CTIF: variants seen among roughly 807,000 people sequenced by gnomAD.
CTIF encodes cap binding complex dependent translation initiation factor.
CTIF carries 21 observed loss-of-function variants against 66.0 expected under a neutral mutation model. The ratio of observed to expected loss-of-function variants is 0.32; its 90% CI spans 0.23 to 0.46. The LOEUF (loss-of-function observed/expected upper bound fraction) is 0.46, where lower values mean the gene tolerates loss of function less well. Ranked by LOEUF, CTIF falls within the 20% of genes least tolerant of loss-of-function variation. CTIF has a pLI of 1.00. For missense variants in CTIF, 739 were observed against 812.7 expected (o/e 0.91, Z 1.10); for synonymous variants, 345 against 326.4 (o/e 1.06, Z -0.62).
chr18:48,704,940 G>T (rs2092132805), intron 6 of CTIF, among the ~76,000 whole-genome samples: 1 of 152,246 alleles, frequency 6.6e-6, no homozygotes, highest in African/African-American at 2.4e-5. Context: ...TCGGCCCCAT[G>T]TGAGGACTGG....
intron 9 of CTIF, among the ~76,000 whole-genome samples, chr18:48,791,887 C>T (rs1174411348): frequency 2.0e-4 from 30 of 152,154 alleles, no homozygotes; most frequent in Non-Finnish European, 1.5e-4. Context: ...TGGGTCTGTT[C>T]CTGTCTCTCT....
At position 48,740,761 on chromosome 18, in the gene CTIF, C is replaced by T. The variant is rs1168931036; in HGVS notation, c.585-17158C>T. On this transcript the variant is annotated intron_variant, in intron 7 of 11. Transcript: ENST00000256413. Reference sequence around the variant, plus strand: ...GCTCTGGCTTTGGAAGGAGTGGACTCCAGCTCCTGGGACCTCTGCCTACCC... The same window carrying T: ...GCTCTGGCTTTGGAAGGAGTGGACTTCAGCTCCTGGGACCTCTGCCTACCC... 2.6e-5 allele frequency among the ~76,000 whole-genome samples: 4 copies of T among 152,190 alleles called. No individual in the cohort carries two copies. The South Asian group carries it at 6.2e-4, about 24-fold the overall frequency.
At chr18:48,857,234 C>CT (rs1256338192) in intron 10 of CTIF, among the ~76,000 whole-genome samples, 2 of 152,248 alleles carry the variant, frequency 1.3e-5, no homozygotes, top group African/African-American at 4.8e-5. Context: ...TCCCTGAGGA[C>CT]TTCTGCTGAC....
chr18:48,735,884 T>G (rs562521739), intron 7 of CTIF, among the ~76,000 whole-genome samples: 1 of 152,066 alleles, frequency 6.6e-6, no homozygotes, highest in African/African-American at 2.4e-5. Flanking sequence ...ACTCCGTAAA[T>G]GTTTGTGGAT....
chr18:48,575,391 C>T lies in CTIF; in HGVS notation c.-29+36079C>T, dbSNP rs544907823. Among the ~76,000 whole-genome samples, 7 of 152,310 alleles carry T rather than the reference C, an allele frequency of 4.6e-5. No individual in the cohort carries two copies. The East Asian group carries it at 1.3e-3, about 29-fold the overall frequency. ...CCGTGCCTTTTTCCCACAAAGCTGG[C>T]CAGTGACAGAGACTCTTGGCAAAAT... On this transcript the variant is annotated intron_variant, in intron 1 of 11. Transcript: ENST00000256413.
chr18:48,797,191 G>A (rs953623560), intron 9 of CTIF, among the ~76,000 whole-genome samples: 2 of 152,064 alleles, frequency 1.3e-5, no homozygotes, highest in Non-Finnish European at 1.5e-5. Context: ...TCATAAAAGG[G>A]CAACTTTCTG....
chr18:48,788,956 G>A (rs1198212450), intron 9 of CTIF, among the ~76,000 whole-genome samples: 2 of 152,132 alleles, frequency 1.3e-5, no homozygotes, highest in African/African-American at 2.4e-5. Flanking sequence ...CCATCCAATA[G>A]CACACCTCTT....
At chr18:48,714,529 C>T (rs1269900917) in intron 7 of CTIF, among the ~76,000 whole-genome samples, 2 of 152,196 alleles carry the variant, frequency 1.3e-5, no homozygotes, top group Middle Eastern at 3.4e-3. Flanking sequence ...GCAGCATGAG[C>T]GTGCTGCTGA....
chr18:48,563,797 G>A (rs2089217232), intron 1 of CTIF, among the ~76,000 whole-genome samples: 1 of 152,180 alleles, frequency 6.6e-6, no homozygotes, highest in African/African-American at 2.4e-5. Flanking sequence ...TGCTGTCTCT[G>A]TTTTCTCCTT....
At chr18:48,814,593 A>G (rs1382527143) in intron 9 of CTIF, among the ~76,000 whole-genome samples, 1 of 152,210 alleles carries the variant, frequency 6.6e-6, no homozygotes, top group South Asian at 2.1e-4. Context: ...TCACATAAGA[A>G]TATTGTGGGA....
At chr18:48,620,479 G>A (rs1045382847) in intron 2 of CTIF, among the ~76,000 whole-genome samples, 1 of 152,218 alleles carries the variant, frequency 6.6e-6, no homozygotes, top group African/African-American at 2.4e-5. Context: ...TTGTTCAAGA[G>A]CTGCTTCCAG....
At chr18:48,717,430 T>TA (rs2092292720) in intron 7 of CTIF, among the ~76,000 whole-genome samples, 1 of 150,334 alleles carries the variant, frequency 6.7e-6, no homozygotes, top group African/African-American at 2.4e-5. Flanking sequence ...AATAAATAAA[T>TA]AAATAAATAA....
At chr18:48,556,117 G>A (rs2089014877) in intron 1 of CTIF, among the ~76,000 whole-genome samples, 1 of 152,182 alleles carries the variant, frequency 6.6e-6, no homozygotes, top group Non-Finnish European at 1.5e-5. Flanking sequence ...GGTCTTGTCT[G>A]TCCTGAGCTG....
intron 9 of CTIF, among the ~76,000 whole-genome samples, chr18:48,779,975 G>A (rs1200380576): frequency 2.0e-5 from 3 of 152,204 alleles, no homozygotes; most frequent in Non-Finnish European, 4.4e-5. Context: ...TGCAGCCCCG[G>A]AGGTCAGGTG....
chr18:48,819,018 G>A (rs2068427719), intron 10 of CTIF, among the ~76,000 whole-genome samples: 1 of 152,184 alleles, frequency 6.6e-6, no homozygotes, highest in Non-Finnish European at 1.5e-5. Context: ...GTGTATTTAT[G>A]AGTGTTTTTG....
intron 9 of CTIF, among the ~76,000 whole-genome samples, chr18:48,814,999 G>A (rs191700429): frequency 2.0e-5 from 3 of 152,334 alleles, no homozygotes; most frequent in Admixed American, 6.5e-5. Flanking sequence ...AAGGGACCGT[G>A]TGGACAAATG....
intron 1 of CTIF, among the ~76,000 whole-genome samples, chr18:48,582,408 A>G (rs2089678804): frequency 6.6e-6 from 1 of 152,110 alleles, no homozygotes; most frequent in Non-Finnish European, 1.5e-5. Context: ...TTCTGGGGAT[A>G]AAGGAGGTGC....
chr18:48,707,325 G>T (rs1385150717), intron 6 of CTIF, among the ~76,000 whole-genome samples: 1 of 152,134 alleles, frequency 6.6e-6, no homozygotes, highest in East Asian at 1.9e-4. Flanking sequence ...TATCTCCCCT[G>T]GCCAGGCCAC....
Position 48,664,515 on chromosome 18 carries a change from C to A in CTIF, c.395C>A (p.Thr132Lys), listed in dbSNP as rs557871870. The change falls in exon 5 of 12, where the codon ACG (threonine) becomes AAG (lysine). Residue 132 changes from threonine (T) to lysine (K), a missense_variant. Transcript: ENST00000256413. ...FTQFHRKVRH[T>K]PKQPLPHIDR... ...CAGTTCCACCGCAAAGTCCGACACACGCCCAAGCAGCCCCTGCCACACATC... is the reference window on the plus strand; with the variant it reads ...CAGTTCCACCGCAAAGTCCGACACAAGCCCAAGCAGCCCCTGCCACACATC... 1 of 1,613,090 alleles carries A rather than the reference C, an allele frequency of 6.2e-7. No homozygotes were observed. The highest frequency in any genetic ancestry group is 1.1e-5 in the South Asian group (1 of 91,086).
Sources: allele counts gnomAD v4.1 joint callset (sites outside exome capture counted in the v4.1 genomes callset), GRCh38; gene constraint gnomAD v4.1.1; transcripts MANE v1.5; gene names NCBI Gene and HGNC (gene_info 2026-07-23, HGNC 2026-07-21).